The following PRKCA variants were observed in gnomAD, a reference collection of about 807,000 sequenced individuals.
The protein encoded by PRKCA is protein kinase C alpha, also known as protein kinase C alpha type.
Under a neutral mutation model 87.0 loss-of-function variants are expected in PRKCA, and 27 were observed. The ratio of observed to expected loss-of-function variants is 0.31; its 90% CI spans 0.23 to 0.43. The LOEUF (loss-of-function observed/expected upper bound fraction) is 0.43, where lower values mean the gene tolerates loss of function less well. Among genes scored for constraint, PRKCA ranks in the 20% least tolerant of loss-of-function variants. The pLI, the probability that PRKCA is intolerant of heterozygous loss-of-function variation, is 1.00. For synonymous variants in PRKCA, 329 were observed against 311.1 expected (o/e 1.06, Z -0.61); for missense variants, 518 against 852.3 (o/e 0.61, Z 4.88).
chr17:66,760,132 A>G (rs1352698466), intron 13 of PRKCA, among the ~76,000 whole-genome samples: 2 of 152,212 alleles, frequency 1.3e-5, no homozygotes, highest in African/African-American at 4.8e-5. Context: ...CACATAGAAC[A>G]TTCACCAATA....
At chr17:66,395,270 A>G (rs1910597101) in intron 2 of PRKCA, among the ~76,000 whole-genome samples, 1 of 152,206 alleles carries the variant, frequency 6.6e-6, no homozygotes, top group Non-Finnish European at 1.5e-5. Context: ...TGGAATGGAG[A>G]TCCAATGCAA....
chr17:66,527,231 T>C (rs1423251435), intron 3 of PRKCA, among the ~76,000 whole-genome samples: 1 of 146,252 alleles, frequency 6.8e-6, no homozygotes, highest in Non-Finnish European at 1.5e-5. Context: ...CCCCAGTTCC[T>C]TTTAGGATTT....
At chr17:66,573,044 G>A (rs375763686) in intron 3 of PRKCA, among the ~76,000 whole-genome samples, 2 of 152,062 alleles carry the variant, frequency 1.3e-5, no homozygotes, top group East Asian at 1.9e-4. Flanking sequence ...TAAGAGCTGC[G>A]TTCTGTCTAC....
chr17:66,775,329 C>T (rs1485436925), intron 14 of PRKCA: 11 of 985,170 alleles, frequency 1.1e-5, no homozygotes, highest in South Asian at 4.7e-5. Context: ...TCCTTTCAGC[C>T]GAGCACAGAT....
intron 3 of PRKCA, among the ~76,000 whole-genome samples, chr17:66,593,979 G>T (rs914309907): frequency 6.6e-6 from 1 of 152,216 alleles, no homozygotes; most frequent in South Asian, 2.1e-4. Flanking sequence ...CAGCTGCTCG[G>T]GAGGCTGAGG....
At position 66,452,731 on chromosome 17, in the gene PRKCA, G is replaced by A. The variant is rs543857735; in HGVS notation, c.206-43470G>A. Among the ~76,000 whole-genome samples, 46 of 152,274 alleles carry A rather than the reference G, an allele frequency of 3.0e-4. No individual in the cohort carries two copies. The South Asian group carries it at 9.4e-3, about 31-fold the overall frequency. On this transcript the variant is annotated intron_variant, in intron 2 of 16. Transcript: ENST00000413366. ...GACAAAAAATTAGCTGGGCGTGGTG[G>A]CGGGTGCCTGTAGTCCCAGCTACTC...
chr17:66,626,679 T>C (rs1461250238), intron 3 of PRKCA, among the ~76,000 whole-genome samples: 1 of 152,086 alleles, frequency 6.6e-6, no homozygotes, highest in African/African-American at 2.4e-5. Context: ...CTAGTTTTTG[T>C]ATTTTTGGTA....
At chr17:66,679,798 A>G (rs1391904514) in intron 5 of PRKCA, among the ~76,000 whole-genome samples, 4 of 152,136 alleles carry the variant, frequency 2.6e-5, no homozygotes, top group Non-Finnish European at 5.9e-5. Context: ...TCAATACATC[A>G]GCAAGCGAAA....
At chr17:66,699,279 G>A (rs934522422) in intron 8 of PRKCA, among the ~76,000 whole-genome samples, 16 of 150,340 alleles carry the variant, frequency 1.1e-4, no homozygotes, top group Non-Finnish European at 1.3e-4. Flanking sequence ...AACAAAATTG[G>A]TAAACCTTTA....
intron 2 of PRKCA, among the ~76,000 whole-genome samples, chr17:66,444,174 A>G (rs1174833156): frequency 6.6e-6 from 1 of 152,190 alleles, no homozygotes; most frequent in Non-Finnish European, 1.5e-5. Context: ...ATACCATCCA[A>G]GTTATCAGGA....
intron 2 of PRKCA, among the ~76,000 whole-genome samples, chr17:66,424,765 T>G: frequency 6.6e-6 from 1 of 151,892 alleles, no homozygotes. Context: ...CCGCCTTTTT[T>G]TTGTGACAGA....
At chr17:66,581,363 A>G (rs762732084) in intron 3 of PRKCA, among the ~76,000 whole-genome samples, 4 of 152,390 alleles carry the variant, frequency 2.6e-5, no homozygotes, top group Admixed American at 6.5e-5. Flanking sequence ...ATTTGTGGAC[A>G]TTCAAATAGG....
intron 3 of PRKCA, among the ~76,000 whole-genome samples, chr17:66,503,892 G>A (rs1364742710): frequency 2.0e-5 from 3 of 152,152 alleles, no homozygotes; most frequent in Non-Finnish European, 4.4e-5. Flanking sequence ...ATGATTTTGT[G>A]AGCAAAGCCA....
At chr17:66,372,020 A>G (rs1909141780) in intron 2 of PRKCA, among the ~76,000 whole-genome samples, 1 of 152,208 alleles carries the variant, frequency 6.6e-6, no homozygotes, top group South Asian at 2.1e-4. Context: ...ATGTGGATGG[A>G]AACTTCAGGG....
chr17:66,351,091 C>A (rs1477870288), intron 2 of PRKCA, among the ~76,000 whole-genome samples: 1 of 152,228 alleles, frequency 6.6e-6, no homozygotes, highest in East Asian at 1.9e-4. Context: ...CAGGGTCTGT[C>A]ATAATCACCC....
chr17:66,586,236 C>T (rs908140144), intron 3 of PRKCA, among the ~76,000 whole-genome samples: 3 of 152,086 alleles, frequency 2.0e-5, no homozygotes, highest in East Asian at 1.9e-4. Context: ...GAGCCCTAAG[C>T]CCACCCCCAG....
intron 3 of PRKCA, among the ~76,000 whole-genome samples, chr17:66,546,781 A>T (rs1257607117): frequency 1.3e-5 from 2 of 152,206 alleles, no homozygotes; most frequent in African/African-American, 2.4e-5. Context: ...TACGACCCGC[A>T]GCATTAGTTT....
chr17:66,685,481 A>G (rs989527011), intron 5 of PRKCA, among the ~76,000 whole-genome samples: 1 of 152,184 alleles, frequency 6.6e-6, no homozygotes, highest in African/African-American at 2.4e-5. Flanking sequence ...GGGGTATGAC[A>G]AACTATGTTC....
intron 2 of PRKCA, among the ~76,000 whole-genome samples, chr17:66,441,493 C>T (rs1189292989): frequency 6.6e-6 from 1 of 152,166 alleles, no homozygotes; most frequent in Non-Finnish European, 1.5e-5. Context: ...TGAACTGAAA[C>T]CCCATCTGTT....
Sources: gnomAD v4.1 joint callset for allele counts (sites outside exome capture counted in the v4.1 genomes callset) on GRCh38, gnomAD v4.1.1 for gene constraint, MANE v1.5 for transcripts, NCBI Gene and HGNC (gene_info 2026-07-23, HGNC 2026-07-21) for gene names.